The following RHOJ variants were observed in gnomAD, a reference collection of about 807,000 sequenced individuals.
RHOJ encodes the protein rho-related GTP-binding protein RhoJ.
RHOJ carries 11 observed loss-of-function variants against 23.4 expected under a neutral mutation model. The observed-to-expected ratio is 0.47, with a 90% CI of 0.30 to 0.78. The LOEUF is 0.78. Among genes scored for constraint, RHOJ ranks in the 30% least tolerant of loss-of-function variants. The pLI is 0.08. For synonymous variants in RHOJ, 102 were observed against 102.7 expected, an observed-to-expected ratio of 0.99 and a Z score of 0.04; for missense variants, 254 against 273.4, an observed-to-expected ratio of 0.93 and a Z score of 0.50.
At chr14:63,256,839 C>T (rs962505440) in intron 1 of RHOJ, among the ~76,000 whole-genome samples, 4 of 151,454 alleles carry the variant, frequency 2.6e-5, no homozygotes, top group Non-Finnish European at 5.9e-5. Flanking sequence ...TTTGGGAGGT[C>T]GAGGCAGGCG....
intron 1 of RHOJ, among the ~76,000 whole-genome samples, chr14:63,237,047 CT>C (rs1446006020): frequency 1.3e-5 from 2 of 152,176 alleles, no homozygotes; most frequent in South Asian, 2.1e-4. Context: ...GCAATTGTCC[CT>C]TTTTTTCCTG....
At chr14:63,261,177 T>G (rs1014730188) in intron 1 of RHOJ, among the ~76,000 whole-genome samples, 2 of 152,210 alleles carry the variant, frequency 1.3e-5, no homozygotes, top group Non-Finnish European at 2.9e-5. Flanking sequence ...ACTCCAATGT[T>G]AATTTGCCCT....
rs763739589 is a variant in RHOJ, at chr14:63,293,446, G to A, written c.*2422G>A. 7.9e-5 allele frequency among the ~76,000 whole-genome samples: 12 copies of A among 152,144 alleles called. No individual in the cohort carries two copies. The highest frequency in any genetic ancestry group is 1.3e-4 in the Non-Finnish European group (9 of 68,026). On this transcript the variant is annotated 3_prime_UTR_variant, in exon 5 of 5. Coordinates refer to ENST00000316754, the MANE Select transcript of RHOJ (RefSeq NM_020663.5). ...GGATAGAGACTGTTGTTAGTGTCTG[G>A]GTAGAGCACAGGCTCCCAGGGGTCT...
intron 1 of RHOJ, among the ~76,000 whole-genome samples, chr14:63,220,754 G>A (rs893583986): frequency 6.6e-6 from 1 of 152,148 alleles, no homozygotes; most frequent in African/African-American, 2.4e-5. Flanking sequence ...TCTAACTTAA[G>A]GGAGCTGGAT....
chr14:63,204,979 T>C lies in RHOJ; in HGVS notation c.110T>C (p.Leu37Pro), dbSNP rs1344782638. 2 of 1,614,102 alleles carry C rather than the reference T, an allele frequency of 1.2e-6. No individual in the cohort carries two copies. The highest frequency in any genetic ancestry group is 1.7e-6 in the Non-Finnish European group (2 of 1,180,048). The change falls in exon 1 of 5, where the codon CTG (leucine) becomes CCG (proline). Residue 37 changes from leucine (L) to proline (P), a missense_variant. Coordinates refer to ENST00000316754, the MANE Select transcript of RHOJ (RefSeq NM_020663.5). ...GACGGTGCCGTGGGGAAAACCTGCC[T>C]GCTGATGAGCTACGCCAACGACGCC... ...VGDGAVGKTC[L>P]LMSYANDAFP... is the part of the protein sequence containing the mutation.
At chr14:63,225,484 C>T (rs1311132880) in intron 1 of RHOJ, among the ~76,000 whole-genome samples, 1 of 152,150 alleles carries the variant, frequency 6.6e-6, no homozygotes, top group Non-Finnish European at 1.5e-5. Context: ...TTTCTGAAAA[C>T]CCATCTGATG....
intron 1 of RHOJ, among the ~76,000 whole-genome samples, chr14:63,231,081 G>A (rs1161429359): frequency 6.6e-6 from 1 of 151,928 alleles, no homozygotes; most frequent in Non-Finnish European, 1.5e-5. Context: ...TAGAGATGAG[G>A]TTTCACCATG....
At chr14:63,235,199 C>T (rs1894767317) in intron 1 of RHOJ, among the ~76,000 whole-genome samples, 1 of 150,900 alleles carries the variant, frequency 6.6e-6, no homozygotes, top group African/African-American at 2.4e-5. Flanking sequence ...AGAAAACTTT[C>T]CTGGACTCCA....
intron 1 of RHOJ, among the ~76,000 whole-genome samples, chr14:63,249,750 C>T (rs572812871): frequency 1.3e-5 from 2 of 152,282 alleles, no homozygotes; most frequent in African/African-American, 4.8e-5. Context: ...TTCTCATCCT[C>T]GGCCACTTGG....
At chr14:63,282,333 A>G (rs1463319099) in intron 3 of RHOJ, among the ~76,000 whole-genome samples, 5 of 150,502 alleles carry the variant, frequency 3.3e-5, no homozygotes, top group African/African-American at 9.9e-5. Flanking sequence ...CAATTAGTAG[A>G]GCTGAGTAAT....
At chr14:63,216,678 G>T (rs1486423355) in intron 1 of RHOJ, among the ~76,000 whole-genome samples, 2 of 152,164 alleles carry the variant, frequency 1.3e-5, no homozygotes, top group Middle Eastern at 6.8e-3. Context: ...AATTCAAGCT[G>T]GTAAATAAGA....
chr14:63,235,572 G>A (rs1465194524), intron 1 of RHOJ, among the ~76,000 whole-genome samples: 1 of 152,132 alleles, frequency 6.6e-6, no homozygotes, highest in African/African-American at 2.4e-5. Context: ...TGTGGGAAAT[G>A]GTTAACACTG....
At chr14:63,269,271 C>T in intron 2 of RHOJ, 103 bp downstream of exon 2, 1 of 768,540 alleles carries the variant, frequency 1.3e-6, no homozygotes. Context: ...ATTACCCATT[C>T]TGATCATTTG....
At chr14:63,255,263 G>T (rs1464280640) in intron 1 of RHOJ, among the ~76,000 whole-genome samples, 1 of 152,034 alleles carries the variant, frequency 6.6e-6, no homozygotes, top group African/African-American at 2.4e-5. Context: ...CCCTCTTAAG[G>T]TCTGGTGACT....
intron 1 of RHOJ, among the ~76,000 whole-genome samples, chr14:63,238,585 A>G (rs1321465441): frequency 6.6e-6 from 1 of 152,022 alleles, no homozygotes; most frequent in Non-Finnish European, 1.5e-5. Context: ...CCATGCCCGG[A>G]TAATTTTTGT....
At chr14:63,238,649 T>C (rs950767312) in intron 1 of RHOJ, among the ~76,000 whole-genome samples, 3 of 152,130 alleles carry the variant, frequency 2.0e-5, no homozygotes, top group Non-Finnish European at 4.4e-5. Context: ...CTCGAACTCC[T>C]GAGCTCAAGC....
intron 4 of RHOJ, among the ~76,000 whole-genome samples, chr14:63,285,758 A>G (rs972544124): frequency 1.3e-5 from 2 of 152,202 alleles, no homozygotes; most frequent in Admixed American, 6.5e-5. Flanking sequence ...TTATTAAACA[A>G]CAATTGATTA....
chr14:63,293,217 G>A lies in RHOJ; in HGVS notation c.*2193G>A, dbSNP rs556352502. On this transcript the variant is annotated 3_prime_UTR_variant, in exon 5 of 5. Coordinates refer to ENST00000316754, the MANE Select transcript of RHOJ (RefSeq NM_020663.5). Reference sequence around the variant, plus strand: ...CCTGTAATAAATGAAATGTTATTAGGCAGCTTTGTTGCATGATTGCATAGT... The same window carrying A: ...CCTGTAATAAATGAAATGTTATTAGACAGCTTTGTTGCATGATTGCATAGT... 1 of 152,256 alleles carries A rather than the reference G, an allele frequency of 6.6e-6. No homozygotes were observed. The highest frequency in any genetic ancestry group is 2.4e-5 in the African/African-American group (1 of 41,556). The allele number at this position is 152,256 out of a possible 1,614,324, so 9.4% of individuals were successfully genotyped here.
At chr14:63,278,708 T>A (rs2139662542) in intron 2 of RHOJ, among the ~76,000 whole-genome samples, 1 of 152,192 alleles carries the variant, frequency 6.6e-6, no homozygotes, top group Non-Finnish European at 1.5e-5. Flanking sequence ...ATGGGCCAGG[T>A]ATGGTGACTC....
Sources: gnomAD v4.1 joint callset for allele counts (sites outside exome capture counted in the v4.1 genomes callset) on GRCh38, gnomAD v4.1.1 for gene constraint, MANE v1.5 for transcripts, NCBI Gene and HGNC (gene_info 2026-07-23, HGNC 2026-07-21) for gene names.